Variants in THSD4 observed in about 807,000 individuals in gnomAD.
The protein encoded by THSD4 is thrombospondin type 1 domain containing 4, also known as thrombospondin type-1 domain-containing protein 4.
In THSD4, 69 loss-of-function variants were observed where a neutral mutation model predicts 119.0. The ratio of observed to expected loss-of-function variants is 0.58; its 90% CI spans 0.48 to 0.71. THSD4 has a LOEUF of 0.71. THSD4 is among the 30% of genes least tolerant of loss of function. The pLI is 0.00. For synonymous variants in THSD4, 524 were observed against 540.4 expected (o/e 0.97, Z 0.42); for missense variants, 1,393 against 1,391.1 (o/e 1.00, Z -0.02).
Position 71,154,844 on chromosome 15 carries a change from T to C in THSD4, c.30-19T>C. On this transcript the variant is annotated intron_variant, in intron 2 of 17. Transcript: ENST00000261862. ...GGAACATACTCACCATCCTGCCTGT[T>C]GCTATTTTCCCTTTTCAGTGTCCTG... 6.2e-7 allele frequency: 1 copy of C among 1,613,738 alleles called. No individual in the cohort carries two copies.
intron 4 of THSD4, among the ~76,000 whole-genome samples, chr15:71,224,402 C>T (rs942570148): frequency 2.0e-5 from 3 of 151,744 alleles, no homozygotes; most frequent in Non-Finnish European, 4.4e-5. Context: ...CAGTGTAAAG[C>T]CCATCTAAAT....
chr15:71,300,289 G>A (rs942464690), intron 6 of THSD4, among the ~76,000 whole-genome samples: 2 of 152,118 alleles, frequency 1.3e-5, no homozygotes, highest in Non-Finnish European at 2.9e-5. Flanking sequence ...AACCTCTCCT[G>A]TCACTCAGGC....
intron 7 of THSD4, among the ~76,000 whole-genome samples, chr15:71,500,741 C>T (rs1464499593): frequency 1.3e-5 from 2 of 152,196 alleles, no homozygotes; most frequent in Non-Finnish European, 2.9e-5. Flanking sequence ...ACTGTTCTTT[C>T]CCCATTGTGT....
intron 5 of THSD4, among the ~76,000 whole-genome samples, chr15:71,254,749 G>T (rs991615107): frequency 6.6e-6 from 1 of 152,156 alleles, no homozygotes; most frequent in Non-Finnish European, 1.5e-5. Flanking sequence ...GTTGCTGGAA[G>T]CTTACATGGG....
intron 7 of THSD4, among the ~76,000 whole-genome samples, chr15:71,528,970 T>C (rs768201615): frequency 9.9e-5 from 15 of 152,262 alleles, no homozygotes; most frequent in South Asian, 4.1e-4. Context: ...TTTCGTTGTC[T>C]GCCAAACCTG....
At chr15:71,586,318 C>T (rs2049669778) in intron 7 of THSD4, among the ~76,000 whole-genome samples, 1 of 152,136 alleles carries the variant, frequency 6.6e-6, no homozygotes, top group South Asian at 2.1e-4. Flanking sequence ...TTCTATAGGT[C>T]AGAAGTCTGG....
Position 71,728,725 on chromosome 15 carries a change from G to C in THSD4, c.1533+1G>C, listed in dbSNP as rs2052914931. The C allele has an allele frequency of 1.2e-6, 2 of 1,613,920 alleles. No homozygotes were observed. The highest frequency in any genetic ancestry group is 1.7e-6 in the Non-Finnish European group (2 of 1,180,014). On this transcript the variant is annotated splice_donor_variant, in intron 9 of 17. Coordinates refer to ENST00000261862, the MANE Select transcript of THSD4 (RefSeq NM_024817.3). LOFTEE classifies it high-confidence loss of function. ...CACCAACGAGATCTTGGATGTCTAC[G>C]TGAGTTTGGATGTTTCTGGACTGTT...
At chr15:71,681,529 T>A (rs939282889) in intron 8 of THSD4, among the ~76,000 whole-genome samples, 1 of 151,380 alleles carries the variant, frequency 6.6e-6, no homozygotes, top group Admixed American at 6.6e-5. Flanking sequence ...ATACAAAAAT[T>A]ATCAGAGTGT....
At chr15:71,379,553 G>A (rs1432317874) in intron 6 of THSD4, among the ~76,000 whole-genome samples, 2 of 142,458 alleles carry the variant, frequency 1.4e-5, no homozygotes, top group African/African-American at 5.2e-5. Context: ...CCGCCTCCAG[G>A]GTTCACGCCA....
intron 6 of THSD4, among the ~76,000 whole-genome samples, chr15:71,409,126 G>A (rs1199081204): frequency 6.8e-6 from 1 of 146,668 alleles, no homozygotes; most frequent in South Asian, 2.2e-4. Context: ...AGATTCTGCT[G>A]TAATTGTCTC....
At chr15:71,630,444 G>A (rs1328454604) in intron 7 of THSD4, among the ~76,000 whole-genome samples, 1 of 152,156 alleles carries the variant, frequency 6.6e-6, no homozygotes, top group East Asian at 1.9e-4. Context: ...CCCCAATTTT[G>A]GGGTTTCTTG....
intron 4 of THSD4, among the ~76,000 whole-genome samples, chr15:71,222,417 A>G (rs1037309101): frequency 3.3e-5 from 5 of 152,202 alleles, no homozygotes; most frequent in Admixed American, 6.5e-5. Flanking sequence ...CTCATTAACC[A>G]GCTGGAATCT....
chr15:71,188,493 A>G (rs2043635596), intron 3 of THSD4, among the ~76,000 whole-genome samples: 1 of 152,096 alleles, frequency 6.6e-6, no homozygotes, highest in African/African-American at 2.4e-5. Context: ...CTGGTGTGAA[A>G]TAGCCAAGGT....
intron 6 of THSD4, among the ~76,000 whole-genome samples, chr15:71,397,263 TC>T (rs1394277885): frequency 6.6e-6 from 1 of 152,194 alleles, no homozygotes; most frequent in Non-Finnish European, 1.5e-5. Context: ...AAACTCCTTC[TC>T]CTCTTTCACA....
chr15:71,468,645 C>T (rs2047532640), intron 7 of THSD4, among the ~76,000 whole-genome samples: 1 of 152,168 alleles, frequency 6.6e-6, no homozygotes, highest in African/African-American at 2.4e-5. Flanking sequence ...TAGCAGTGAT[C>T]TAAAGGAGTT....
chr15:71,595,616 C>CT (rs5813647), intron 7 of THSD4, among the ~76,000 whole-genome samples: 152,245 of 152,330 alleles, frequency 1, 76,080 homozygotes, highest in Middle Eastern at 1. Context: ...ATGTTCAGAA[C>CT]TTGGAAGCTC....
intron 7 of THSD4, among the ~76,000 whole-genome samples, chr15:71,621,908 A>G (rs2050424907): frequency 6.6e-6 from 1 of 152,240 alleles, no homozygotes; most frequent in Non-Finnish European, 1.5e-5. Context: ...CTTTTGGGTA[A>G]CTTGTTGCTT....
intron 7 of THSD4, among the ~76,000 whole-genome samples, chr15:71,648,205 G>A (rs1400694274): frequency 6.6e-6 from 1 of 152,122 alleles, no homozygotes; most frequent in Admixed American, 6.5e-5. Flanking sequence ...GTGTTGTTGA[G>A]AGAATTAGGC....
intron 7 of THSD4, among the ~76,000 whole-genome samples, chr15:71,460,721 C>T (rs761750963): frequency 4.6e-5 from 7 of 152,218 alleles, no homozygotes; most frequent in African/African-American, 7.2e-5. Flanking sequence ...TACCTGTTTG[C>T]GTACAAGATA....
Sources: allele counts gnomAD v4.1 joint callset (sites outside exome capture counted in the v4.1 genomes callset), GRCh38; gene constraint gnomAD v4.1.1; transcripts MANE v1.5; gene names NCBI Gene and HGNC (gene_info 2026-07-23, HGNC 2026-07-21).